Variants in NEDD9 observed in about 807,000 individuals in gnomAD.
NEDD9 encodes the protein enhancer of filamentation 1.
Under a neutral mutation model 76.6 loss-of-function variants are expected in NEDD9, and 26 were observed. The ratio of observed to expected loss-of-function variants is 0.34; its 90% CI spans 0.25 to 0.47. NEDD9 has a LOEUF of 0.47. Ranked by LOEUF, NEDD9 falls within the 20% of genes least tolerant of loss-of-function variation. The pLI, the probability that NEDD9 is intolerant of heterozygous loss-of-function variation, is 1.00. For missense variants in NEDD9, 937 were observed against 1,058.5 expected, an observed-to-expected ratio of 0.89 and a Z score of 1.59; for synonymous variants, 392 against 414.2, an observed-to-expected ratio of 0.95 and a Z score of 0.65.
intron 1 of NEDD9, among the ~76,000 whole-genome samples, chr6:11,221,947 A>G (rs917662371): frequency 4.6e-5 from 7 of 152,296 alleles, no homozygotes; most frequent in African/African-American, 1.7e-4. Flanking sequence ...CTGCCTGTCT[A>G]GACAAATCCC....
At chr6:11,249,234 A>C (rs772867568) in intron 3 of NEDD9, 12 of 454,672 alleles carry the variant, frequency 2.6e-5, no homozygotes, top group South Asian at 1.9e-4. Flanking sequence ...ACAAATATAT[A>C]TTGAGTCCAA....
chr6:11,258,303 A>T (rs1760044152), intron 3 of NEDD9, among the ~76,000 whole-genome samples: 1 of 152,166 alleles, frequency 6.6e-6, no homozygotes, highest in Admixed American at 6.5e-5. Flanking sequence ...CTTTTACATC[A>T]ACATTTTTCT....
intron 1 of NEDD9, among the ~76,000 whole-genome samples, chr6:11,232,294 C>T (rs868763772): frequency 2.6e-5 from 4 of 152,330 alleles, no homozygotes; most frequent in East Asian, 1.9e-4. Flanking sequence ...AGCAGATGGA[C>T]TCGGGTGTAC....
intron 1 of NEDD9, among the ~76,000 whole-genome samples, chr6:11,346,678 G>A (rs1436075069): frequency 6.6e-6 from 1 of 152,184 alleles, no homozygotes; most frequent in Non-Finnish European, 1.5e-5. Flanking sequence ...ATAGGATCTG[G>A]ACTGACTGCT....
chr6:11,275,550 A>G (rs1561813412), intron 3 of NEDD9, among the ~76,000 whole-genome samples: 2 of 150,348 alleles, frequency 1.3e-5, no homozygotes, highest in East Asian at 3.9e-4. Context: ...ATACATACAC[A>G]CACACACACA....
intron 3 of NEDD9, among the ~76,000 whole-genome samples, chr6:11,260,971 A>G (rs1368608111): frequency 3.3e-5 from 5 of 151,922 alleles, no homozygotes; most frequent in Non-Finnish European, 5.9e-5. Flanking sequence ...TCCACATTTG[A>G]TCATGTCCTG....
intron 3 of NEDD9, among the ~76,000 whole-genome samples, chr6:11,247,247 C>T (rs1274408127): frequency 6.6e-6 from 1 of 152,184 alleles, no homozygotes; most frequent in Non-Finnish European, 1.5e-5. Context: ...AAAATTGACG[C>T]CAGCCTCTCT....
chr6:11,191,250 C>T (rs781470266), intron 4 of NEDD9, 45 bp from the exon 5 acceptor site: 4 of 1,527,210 alleles, frequency 2.6e-6, no homozygotes, highest in South Asian at 1.3e-5. Context: ...TGAGTTGGCT[C>T]ATGGGAACCT....
intron 2 of NEDD9, among the ~76,000 whole-genome samples, chr6:11,202,711 A>T (rs77866315): frequency 0.014 from 2,173 of 152,324 alleles, 93 homozygotes; most frequent in East Asian, 0.14. Flanking sequence ...GGCCTTAAAA[A>T]TACACCCTCG....
intron 1 of NEDD9, among the ~76,000 whole-genome samples, chr6:11,228,190 G>C (rs1470992263): frequency 1.3e-5 from 2 of 152,032 alleles, no homozygotes; most frequent in African/African-American, 4.8e-5. Flanking sequence ...AGAAGAAGAA[G>C]ATAAAAGGAG....
intron 1 of NEDD9, among the ~76,000 whole-genome samples, chr6:11,356,783 T>C (rs141601516): frequency 7.7e-6 from 1 of 130,596 alleles, no homozygotes; most frequent in East Asian, 2.4e-4. Context: ...TATTGATGAA[T>C]AAATGTGTGG....
At chr6:11,250,857 C>A (rs1465765070) in intron 3 of NEDD9, among the ~76,000 whole-genome samples, 3 of 152,146 alleles carry the variant, frequency 2.0e-5, no homozygotes, top group Non-Finnish European at 2.9e-5. Context: ...TAAAATGATT[C>A]TTTTTACTGA....
chr6:11,232,305 T>G (rs1260042091), intron 1 of NEDD9, among the ~76,000 whole-genome samples, 199 bp downstream of exon 1: 7 of 152,200 alleles, frequency 4.6e-5, no homozygotes, highest in African/African-American at 1.7e-4. Flanking sequence ...TCGGGTGTAC[T>G]GTGAACCCCT....
chr6:11,358,777 A>G (rs1334254063), intron 1 of NEDD9, among the ~76,000 whole-genome samples: 1 of 152,164 alleles, frequency 6.6e-6, no homozygotes, highest in Non-Finnish European at 1.5e-5. Flanking sequence ...TATGGGATGA[A>G]TGGTGGGTGG....
chr6:11,362,978 T>C (rs546870747), intron 1 of NEDD9, among the ~76,000 whole-genome samples: 2 of 152,270 alleles, frequency 1.3e-5, no homozygotes. Flanking sequence ...TATGGCAATC[T>C]GCATTGATGA....
chr6:11,255,696 G>A (rs1239703935), intron 3 of NEDD9, among the ~76,000 whole-genome samples: 2 of 152,076 alleles, frequency 1.3e-5, no homozygotes, highest in East Asian at 1.9e-4. Context: ...CCACATAGCC[G>A]CTGGAGCCAT....
At chr6:11,280,837 T>C (rs1369681825) in intron 3 of NEDD9, among the ~76,000 whole-genome samples, 1 of 152,250 alleles carries the variant, frequency 6.6e-6, no homozygotes, top group African/African-American at 2.4e-5. Context: ...GCCTCACTTG[T>C]AGCTAGTCCT....
chr6:11,304,531 C>G lies in NEDD9; in HGVS notation c.12+1461G>C, dbSNP rs148423507. On this transcript the variant is annotated intron_variant, in intron 3 of 3. Transcript: ENST00000397378. ...CGTATGTTTATTGGGGCACTATTCA[C>G]AATAGCAAAGACTTGGAACCAACCC... Among the ~76,000 whole-genome samples, 1,046 of 152,302 alleles carry G rather than the reference C, an allele frequency of 6.9e-3. 10 individuals carry two copies. The highest frequency in any genetic ancestry group is 0.023 in the African/African-American group (953 of 41,562).
intron 2 of NEDD9, among the ~76,000 whole-genome samples, chr6:11,310,494 C>G (rs1761334088): frequency 6.6e-6 from 1 of 152,162 alleles, no homozygotes; most frequent in African/African-American, 2.4e-5. Flanking sequence ...CTGGCAAAAC[C>G]ACACACCCTG....
Sources: allele counts gnomAD v4.1 joint callset (sites outside exome capture counted in the v4.1 genomes callset), GRCh38; gene constraint gnomAD v4.1.1; transcripts MANE v1.5; gene names NCBI Gene and HGNC (gene_info 2026-07-23, HGNC 2026-07-21).